LINGO1: variants seen among roughly 807,000 people sequenced by gnomAD.
The protein encoded by LINGO1 is leucine rich repeat and Ig domain containing 1, also known as leucine-rich repeat and immunoglobulin-like domain-containing nogo receptor-interacting protein 1.
In LINGO1, 11 loss-of-function variants were observed where a neutral mutation model predicts 37.3. That is an observed-to-expected ratio of 0.29 (90% CI 0.19 to 0.49). LINGO1 has a LOEUF of 0.49. Among genes scored for constraint, LINGO1 ranks in the 20% least tolerant of loss-of-function variants. The pLI is 0.99. For missense variants in LINGO1, 585 were observed against 878.2 expected (o/e 0.67, Z 4.22); for synonymous variants, 387 against 403.0 (o/e 0.96, Z 0.48).
intron 1 of LINGO1, among the ~76,000 whole-genome samples, chr15:77,806,712 C>CA (rs2076962913): frequency 1.3e-5 from 2 of 152,272 alleles, no homozygotes; most frequent in East Asian, 3.9e-4. Flanking sequence ...CCCGACCCCC[C>CA]AGTCCAGGGA....
chr15:77,644,202 T>TGTCTCTGTCGTGTGTGTC (rs2074572494), intron 3 of LINGO1, among the ~76,000 whole-genome samples: 1 of 152,204 alleles, frequency 6.6e-6, no homozygotes, highest in Non-Finnish European at 1.5e-5. Context: ...ATGTGTGTGG[T>TGTCTCTGTCGTGTGTGTC]GTCTCTGTCG....
chr15:77,627,314 T>C (rs1338000127), intron 1 of LINGO1, among the ~76,000 whole-genome samples: 1 of 152,072 alleles, frequency 6.6e-6, no homozygotes. Flanking sequence ...GAATCAATCG[T>C]TGGTGTACCA....
At chr15:77,815,786 C>T (rs1236029998) in intron 1 of LINGO1, among the ~76,000 whole-genome samples, 2 of 152,264 alleles carry the variant, frequency 1.3e-5, no homozygotes, top group East Asian at 1.9e-4. Context: ...TTATATCGCA[C>T]ATCTAATTGT....
intron 1 of LINGO1, among the ~76,000 whole-genome samples, chr15:77,783,005 G>A (rs909715520): frequency 3.3e-5 from 5 of 151,902 alleles, no homozygotes; most frequent in Admixed American, 2.6e-4. Context: ...TCTTCCTCCT[G>A]GTCTCCAGAC....
chr15:77,622,017 G>A (rs565405615), intron 1 of LINGO1, among the ~76,000 whole-genome samples: 4 of 152,294 alleles, frequency 2.6e-5, no homozygotes, highest in Admixed American at 6.5e-5. Flanking sequence ...AGTTCCTCAC[G>A]GGGAAACGAG....
chr15:77,775,291 C>T (rs7170398), intron 1 of LINGO1, among the ~76,000 whole-genome samples: 54,286 of 152,128 alleles, frequency 0.36, 10,091 homozygotes, highest in South Asian at 0.5. Flanking sequence ...CTGGACCTGG[C>T]TCTGCCCTAC....
intron 3 of LINGO1, among the ~76,000 whole-genome samples, chr15:77,640,035 T>C (rs1230769101): frequency 6.6e-6 from 1 of 152,192 alleles, no homozygotes; most frequent in East Asian, 1.9e-4. Flanking sequence ...GTGGGGAAAC[T>C]GAGGCACACA....
intron 1 of LINGO1, among the ~76,000 whole-genome samples, chr15:77,777,640 T>C (rs2076674996): frequency 6.6e-6 from 1 of 152,164 alleles, no homozygotes; most frequent in African/African-American, 2.4e-5. Context: ...CAGAAATTTA[T>C]TCTCAGCCAG....
At chr15:77,634,050 A>G (rs2074344169), upstream of LINGO1, among the ~76,000 whole-genome samples, 1 of 152,186 alleles carries the variant, frequency 6.6e-6, no homozygotes, top group Non-Finnish European at 1.5e-5. Flanking sequence ...TAATAGCTTG[A>G]GTCCACAGGG....
intron 3 of LINGO1, among the ~76,000 whole-genome samples, chr15:77,671,674 G>A (rs2075251938): frequency 6.6e-6 from 1 of 152,228 alleles, no homozygotes; most frequent in Non-Finnish European, 1.5e-5. Context: ...TCCCCGCCTG[G>A]TACCCACCTG....
intron 1 of LINGO1, among the ~76,000 whole-genome samples, chr15:77,785,293 A>G (rs2076760324): frequency 6.6e-6 from 1 of 152,086 alleles, no homozygotes; most frequent in Non-Finnish European, 1.5e-5. Context: ...CCTAGTTCAC[A>G]CATTTTGGCT....
intron 1 of LINGO1, among the ~76,000 whole-genome samples, chr15:77,748,688 CT>C (rs1235844742): frequency 6.6e-6 from 1 of 151,638 alleles, no homozygotes; most frequent in Admixed American, 6.6e-5. Context: ...CTTTTTTTTT[CT>C]TTTTCTTTTT....
chr15:77,625,706 G>A (rs2074067618), intron 1 of LINGO1, among the ~76,000 whole-genome samples: 1 of 152,160 alleles, frequency 6.6e-6, no homozygotes, highest in Admixed American at 6.5e-5. Context: ...GCAGACCTGG[G>A]ACTGGGCCTG....
intron 1 of LINGO1, among the ~76,000 whole-genome samples, chr15:77,620,783 G>A (rs867712800): frequency 7.2e-5 from 11 of 152,188 alleles, no homozygotes; most frequent in South Asian, 2.1e-4. Context: ...TCCCTTCCTT[G>A]GGGCATCACA....
chr15:77,631,068 C>T (rs117865079), intron 1 of LINGO1, among the ~76,000 whole-genome samples: 8,888 of 152,288 alleles, frequency 0.058, 326 homozygotes, highest in East Asian at 0.14. Flanking sequence ...TGACACTCTG[C>T]GCTGGATCTG....
chr15:77,657,003 A>G (rs1399134629), intron 3 of LINGO1, among the ~76,000 whole-genome samples: 1 of 152,094 alleles, frequency 6.6e-6, no homozygotes, highest in Non-Finnish European at 1.5e-5. Flanking sequence ...CTGCCCCTTC[A>G]TGCCCCTAAA....
rs2074302630 is a variant in LINGO1, at chr15:77,632,787, T to G, written c.-472A>C. 1.4e-5 allele frequency among the ~76,000 whole-genome samples: 2 copies of G among 144,438 alleles called. No homozygotes were observed. The highest frequency in any genetic ancestry group is 1.4e-4 in the Admixed American group (2 of 14,670). 94.8% of individuals were successfully genotyped at this position (144,438 alleles called of 152,430 possible). A position where few individuals can be genotyped will look rare whatever the true frequency, so the allele number is the denominator to read the frequency against. On this transcript the variant is annotated 5_prime_UTR_variant, in exon 1 of 2. Transcript: ENST00000355300. The surrounding 1 kb of genome is among the most constrained non-coding windows in gnomAD (Gnocchi z 6.0). ...CGGCGCGGGTGGGGACTCCGCGCCC[T>G]CCGGGGCCGGGACCAGGACCCACCG...
At chr15:77,747,131 C>T (rs368058410) in intron 1 of LINGO1, among the ~76,000 whole-genome samples, 4 of 152,318 alleles carry the variant, frequency 2.6e-5, no homozygotes, top group Admixed American at 1.3e-4. Context: ...GAATACCCAA[C>T]CACCCTATCC....
chr15:77,733,263 T>C (rs1226977530), intron 2 of LINGO1, among the ~76,000 whole-genome samples: 1 of 152,286 alleles, frequency 6.6e-6, no homozygotes, highest in South Asian at 2.1e-4. Context: ...AGGGGGCTGT[T>C]AGTGTCCAAG....
Sources: allele counts gnomAD v4.1 joint callset (sites outside exome capture counted in the v4.1 genomes callset), GRCh38; gene constraint gnomAD v4.1.1; non-coding constraint Gnocchi (gnomAD v3.1); transcripts MANE v1.5; gene names NCBI Gene and HGNC (gene_info 2026-07-23, HGNC 2026-07-21).